Variants in VEZT observed in about 807,000 individuals in gnomAD.
The protein encoded by VEZT is vezatin.
Under a neutral mutation model 79.9 loss-of-function variants are expected in VEZT, and 39 were observed. The ratio of observed to expected loss-of-function variants is 0.49; its 90% CI spans 0.38 to 0.64. The LOEUF (loss-of-function observed/expected upper bound fraction) is 0.64, where lower values mean the gene tolerates loss of function less well. VEZT is among the 30% of genes least tolerant of loss of function. The pLI, the probability that VEZT is intolerant of heterozygous loss-of-function variation, is 0.00. For synonymous variants in VEZT, 325 were observed against 327.6 expected (o/e 0.99, Z 0.09); for missense variants, 837 against 893.1 (o/e 0.94, Z 0.80).
chr12:95,274,986 A>T lies in VEZT; in HGVS notation c.996+97A>T, dbSNP rs1593848084. The T allele has an allele frequency of 1.7e-5, 24 of 1,416,938 alleles. No individual in the cohort carries two copies. The East Asian group carries it at 5.8e-4, about 34-fold the overall frequency. The allele number at this position is 1,416,938 out of a possible 1,614,324, so 87.8% of individuals were successfully genotyped here. ...TGTAAATAGTGCGTTTGTTCCACTC[A>T]TTGTTTGCTGCATACCATCATCATA... On this transcript the variant is annotated intron_variant, in intron 7 of 11. Coordinates refer to ENST00000436874, the MANE Select transcript of VEZT (RefSeq NM_017599.4).
rs538910891 is a variant in VEZT, at chr12:95,218,191, G to A, written c.36+305G>A. The stretch of plus-strand genomic sequence containing the variant: ...CTGGGAATGGATGTGCGGCGGGGGG[G>A]ACTGCGCCCGGCTGGGGCGGGGCCG... On this transcript the variant is annotated intron_variant, in intron 1 of 11. Transcript: ENST00000436874. 5.8e-4 allele frequency: 160 copies of A among 275,084 alleles called. 1 individual carries two copies. Among genetic ancestry groups the A allele is most frequent in the African/African-American group, 3.5e-3 (159 of 45,380 alleles). The allele number at this position is 275,084 out of a possible 1,614,324, so 17.0% of individuals were successfully genotyped here.
intron 5 of VEZT, among the ~76,000 whole-genome samples, chr12:95,268,406 G>A (rs2065941163): frequency 6.6e-6 from 1 of 152,118 alleles, no homozygotes; most frequent in Non-Finnish European, 1.5e-5. Flanking sequence ...GCTGAGGCAG[G>A]AGAATGGCAT....
chr12:95,233,975 C>T (rs1255005237), intron 1 of VEZT, among the ~76,000 whole-genome samples: 1 of 152,106 alleles, frequency 6.6e-6, no homozygotes, highest in Admixed American at 6.6e-5. Flanking sequence ...ATTTTTATAC[C>T]TATACTCCCA....
chr12:95,243,612 A>G (rs532748130), intron 1 of VEZT, among the ~76,000 whole-genome samples: 4 of 152,312 alleles, frequency 2.6e-5, no homozygotes, highest in African/African-American at 7.2e-5. Context: ...TCTCTAACAG[A>G]CAAGTACTTG....
chr12:95,254,524 T>G (rs1273362363), intron 2 of VEZT, among the ~76,000 whole-genome samples: 1 of 151,874 alleles, frequency 6.6e-6, no homozygotes, highest in East Asian at 1.9e-4. Context: ...GTTTTGTATT[T>G]TTAGTAGAGA....
intron 10 of VEZT, 141 bp downstream of exon 10, chr12:95,294,513 A>T: frequency 1.4e-6 from 1 of 705,246 alleles, no homozygotes; most frequent in Non-Finnish European, 2.3e-6. Flanking sequence ...CTGCCTGCAG[A>T]CTTTTTTTTG....
At position 95,301,106 on chromosome 12, in the gene VEZT, G is replaced by A. The variant is rs2075158135; in HGVS notation, c.*433G>A. ...CTATTATGTTAATAACAAGTTGTTT[G>A]TATTTTATTTTTGTTTATACCAGTC... On this transcript the variant is annotated 3_prime_UTR_variant, in exon 12 of 12. Transcript: ENST00000436874. 1 of 152,592 alleles carries A rather than the reference G, an allele frequency of 6.6e-6. No individual in the cohort carries two copies. The highest frequency in any genetic ancestry group is 2.4e-5 in the African/African-American group (1 of 41,412). 9.5% of individuals were successfully genotyped at this position (152,592 alleles called of 1,614,324 possible).
intron 1 of VEZT, among the ~76,000 whole-genome samples, chr12:95,225,327 G>C (rs1020612609): frequency 1.3e-5 from 2 of 152,094 alleles, no homozygotes; most frequent in Admixed American, 1.3e-4. Context: ...GTCCGAGGCG[G>C]GCGGATCACC....
intron 1 of VEZT, among the ~76,000 whole-genome samples, chr12:95,249,545 G>A (rs1475903875): frequency 6.6e-6 from 1 of 152,182 alleles, no homozygotes; most frequent in Non-Finnish European, 1.5e-5. Context: ...CTTAAAAAAA[G>A]AGATTAAACA....
chr12:95,280,828 C>T (rs186234476), intron 7 of VEZT, among the ~76,000 whole-genome samples: 3 of 152,096 alleles, frequency 2.0e-5, no homozygotes, highest in African/African-American at 7.2e-5. Context: ...TCATTGTAAT[C>T]ATAAAATTTA....
intron 5 of VEZT, among the ~76,000 whole-genome samples, chr12:95,268,994 C>T (rs1314213143): frequency 1.3e-5 from 2 of 152,152 alleles, no homozygotes; most frequent in Non-Finnish European, 2.9e-5. Flanking sequence ...ATAAGCCTGT[C>T]AGTCATCATC....
intron 3 of VEZT, among the ~76,000 whole-genome samples, chr12:95,259,365 T>G (rs1467849074): frequency 1.3e-5 from 2 of 152,224 alleles, no homozygotes; most frequent in Non-Finnish European, 2.9e-5. Context: ...TGCTTTTCTT[T>G]ATTGTTTCAG....
chr12:95,229,021 A>T (rs751420595), intron 1 of VEZT, among the ~76,000 whole-genome samples: 2 of 152,130 alleles, frequency 1.3e-5, no homozygotes, highest in Non-Finnish European at 2.9e-5. Flanking sequence ...ACAAAAACAA[A>T]ACACCAACTC....
chr12:95,292,887 G>A (rs1198806526), intron 9 of VEZT, among the ~76,000 whole-genome samples: 2 of 117,650 alleles, frequency 1.7e-5, no homozygotes, highest in Admixed American at 1.1e-4. Context: ...GTCTTGCTCT[G>A]TTGCCCAGGC....
intron 6 of VEZT, among the ~76,000 whole-genome samples, chr12:95,274,307 A>C (rs1265977074): frequency 2.6e-5 from 4 of 152,150 alleles, no homozygotes; most frequent in Admixed American, 2.6e-4. Flanking sequence ...TCTAGAAAAA[A>C]ATACAAAAAT....
Position 95,269,888 on chromosome 12 carries a change from A to G in VEZT, c.711-163A>G, listed in dbSNP as rs572427706. On this transcript the variant is annotated intron_variant, in intron 5 of 11. Coordinates refer to ENST00000436874, the MANE Select transcript of VEZT (RefSeq NM_017599.4). ...TATATATCTAGTCACAGAAATGACT[A>G]TTTTATGAGACCTGAGTTGACATAT... The G allele has an allele frequency of 9.0e-5, 64 of 712,964 alleles. No homozygotes were observed. In the African/African-American group the frequency reaches 1.0e-3, roughly 12 times the overall value. The allele number at this position is 712,964 out of a possible 1,614,324, so 44.2% of individuals were successfully genotyped here.
At chr12:95,219,922 G>C (rs903461301) in intron 1 of VEZT, among the ~76,000 whole-genome samples, 1 of 151,882 alleles carries the variant, frequency 6.6e-6, no homozygotes, top group Non-Finnish European at 1.5e-5. Context: ...CTTCATATTT[G>C]TTGCTCATTT....
intron 2 of VEZT, 100 bp downstream of exon 2, chr12:95,252,171 G>A: frequency 7.9e-7 from 1 of 1,258,824 alleles, no homozygotes; most frequent in Non-Finnish European, 1.1e-6. Context: ...CCCTCACACT[G>A]GTAAGACTAT....
intron 7 of VEZT, among the ~76,000 whole-genome samples, chr12:95,281,980 CTTCTT>C (rs2069270652): frequency 6.6e-6 from 1 of 151,916 alleles, no homozygotes; most frequent in South Asian, 2.1e-4. Flanking sequence ...GTCCTACTAT[CTTCTT>C]TTCTCCTATG....
Sources: allele counts gnomAD v4.1 joint callset (sites outside exome capture counted in the v4.1 genomes callset), GRCh38; gene constraint gnomAD v4.1.1; transcripts MANE v1.5; gene names NCBI Gene and HGNC (gene_info 2026-07-23, HGNC 2026-07-21).